Variants in STX1B observed in about 807,000 individuals in gnomAD.
STX1B encodes syntaxin-1B.
Under a neutral mutation model 39.4 loss-of-function variants are expected in STX1B, and 7 were observed. That is an observed-to-expected ratio of 0.18 (90% CI 0.10 to 0.33). The LOEUF (loss-of-function observed/expected upper bound fraction) is 0.33. STX1B is among the 10% of genes least tolerant of loss of function. The probability of loss-of-function intolerance (pLI) is 1.00; values close to 1 mark genes in which losing one functional copy is unlikely to be tolerated. For synonymous variants in STX1B, 136 were observed against 144.1 expected (o/e 0.94, Z 0.40); for missense variants, 198 against 383.2 (o/e 0.52, Z 4.04).
rs1207695958 is a variant in STX1B, at chr16:31,001,902, A to G, written c.31-299T>C. ...ATAGGGATGATTTCAATATTTCAACAACGGCTCAACGTCAGGCTTGCAGTA... is the reference window on the plus strand; with the variant it reads ...ATAGGGATGATTTCAATATTTCAACGACGGCTCAACGTCAGGCTTGCAGTA... On this transcript the variant is annotated intron_variant, in intron 1 of 9. Coordinates refer to ENST00000215095, the MANE Select transcript of STX1B (RefSeq NM_052874.5). This position sits in a 1 kb window ranked among gnomAD's most constrained non-coding sequence, Gnocchi z 5.5. Among the ~76,000 whole-genome samples, 1 of 152,086 alleles carries G rather than the reference A, an allele frequency of 6.6e-6. No homozygotes were observed. The highest frequency in any genetic ancestry group is 2.1e-4 in the South Asian group (1 of 4,820).
intron 1 of STX1B, among the ~76,000 whole-genome samples, chr16:31,002,061 C>A (rs2056632953): frequency 6.6e-6 from 1 of 152,136 alleles, no homozygotes; most frequent in South Asian, 2.1e-4. Context: ...CCAGACATGT[C>A]CCCTGTGCAA....
rs559922106 is a variant in STX1B, at chr16:31,005,405, A to T, written c.31-3802T>A. Among the ~76,000 whole-genome samples, 116 of 149,862 alleles carry T rather than the reference A, an allele frequency of 7.7e-4. 1 individual carries two copies. Among genetic ancestry groups the T allele is most frequent in the African/African-American group, 2.8e-3 (114 of 40,736 alleles). ...TGTGCAAATCGAGGATGTAACATAT[A>T]TGTGCTGATTACCACGAGTTGGGTC... On this transcript the variant is annotated intron_variant, in intron 1 of 9. Coordinates refer to ENST00000215095, the MANE Select transcript of STX1B (RefSeq NM_052874.5).
intron 1 of STX1B, among the ~76,000 whole-genome samples, chr16:31,002,932 A>G (rs1224159982): frequency 6.6e-6 from 1 of 152,198 alleles, no homozygotes. Flanking sequence ...GAACGCAGAC[A>G]GGGCCTAACA....
chr16:30,992,789 A>G lies in STX1B; in HGVS notation c.*32T>C. ...GGTATTGCTCCCGATGTGGTGGGGG[A>G]AGGGTCTGGGAGAGAGAAGGGTGGG... On this transcript the variant is annotated 3_prime_UTR_variant, in exon 10 of 10. Transcript: ENST00000215095. 2.2e-6 allele frequency: 3 copies of G among 1,364,156 alleles called. No homozygotes were observed. Among genetic ancestry groups the G allele is most frequent in the Non-Finnish European group, 3.1e-6 (3 of 982,076 alleles). The allele number at this position is 1,364,156 out of a possible 1,614,324, so 84.5% of individuals were successfully genotyped here.
chr16:30,996,915 A>G, intron 6 of STX1B, 36 bp downstream of exon 6: 4 of 1,569,750 alleles, frequency 2.5e-6, no homozygotes, highest in Non-Finnish European at 3.5e-6. Flanking sequence ...GGCAGCCTCA[A>G]GGAGTTCGGG....
intron 9 of STX1B, 65 bp from the exon 10 acceptor site, chr16:30,992,966 G>A: frequency 7.0e-7 from 1 of 1,427,126 alleles, no homozygotes; most frequent in South Asian, 1.2e-5. Context: ...ACAGATGCAG[G>A]GACAGACAGG....
chr16:30,996,936 G>C lies in STX1B; in HGVS notation c.463+15C>G, dbSNP rs756467906. Reference sequence around the variant, plus strand: ...CTCAAGGAGTTCGGGGTCCTGGGGTGGGGGGCACACGCACTGATCTCCAGT... The same window carrying C: ...CTCAAGGAGTTCGGGGTCCTGGGGTCGGGGGCACACGCACTGATCTCCAGT... On this transcript the variant is annotated intron_variant, in intron 6 of 9. Coordinates refer to ENST00000215095, the MANE Select transcript of STX1B (RefSeq NM_052874.5). 2 of 1,604,830 alleles carry C rather than the reference G, an allele frequency of 1.2e-6. No homozygotes were observed. The highest frequency in any genetic ancestry group is 2.2e-5 in the East Asian group (1 of 44,784).
rs772989451 is a variant in STX1B at position 31,001,574 on chromosome 16, C to A, written c.60G>T (p.Val20=). The change falls in exon 2 of 10, where the codon GTG becomes GTT. Residue 20 remains valine (V), a synonymous_variant. Coordinates refer to ENST00000215095, the MANE Select transcript of STX1B (RefSeq NM_052874.5). The surrounding 1 kb of genome is among the most constrained non-coding windows in gnomAD (Gnocchi z 5.5). ...SAKDSDDEEE[V]VHVDRDHFMD... ...TGAAGTGGTCCCGATCCACGTGGAC[C>A]ACCTCCTCTTCATCATCACTGTCTT... 7 of 1,613,458 alleles carry A rather than the reference C, an allele frequency of 4.3e-6. No individual in the cohort carries two copies. In the Admixed American group the frequency reaches 1.2e-4, roughly 27 times the overall value.
chr16:30,998,835 G>C (rs2056609370), intron 4 of STX1B, among the ~76,000 whole-genome samples: 1 of 152,148 alleles, frequency 6.6e-6, no homozygotes, highest in Non-Finnish European at 1.5e-5. Context: ...GTCAAGGCTT[G>C]ATGGACCTAG....
intron 1 of STX1B, among the ~76,000 whole-genome samples, chr16:31,006,369 A>G (rs1369375544): frequency 6.6e-6 from 1 of 151,558 alleles, no homozygotes; most frequent in Non-Finnish European, 1.5e-5. Flanking sequence ...CCCCTTTCTC[A>G]TCCTCCCTCT....
intron 1 of STX1B, among the ~76,000 whole-genome samples, chr16:31,002,180 C>G (rs775911520): frequency 6.6e-6 from 1 of 151,988 alleles, no homozygotes; most frequent in South Asian, 2.1e-4. Flanking sequence ...CCCCTCTTCC[C>G]GCCCACTCTC....
At chr16:30,995,651 C>T (rs2199036) in intron 7 of STX1B, among the ~76,000 whole-genome samples, 56,375 of 151,700 alleles carry the variant, frequency 0.37, 10,963 homozygotes, top group South Asian at 0.69. Context: ...CCACCATGCC[C>T]GGCTAATTTT....
At chr16:30,993,320 G>A in intron 8 of STX1B, 27 bp downstream of exon 8, 1 of 1,613,732 alleles carries the variant, frequency 6.2e-7, no homozygotes, top group African/African-American at 1.3e-5. Flanking sequence ...GAGGCTCCCA[G>A]AGTGGCATGG....
rs753006506 is a variant in STX1B, at chr16:30,996,763, G to A, written c.464-7C>T. The A allele has an allele frequency of 6.2e-7, 1 of 1,613,968 alleles. No individual in the cohort carries two copies. The highest frequency in any genetic ancestry group is 8.5e-7 in the Non-Finnish European group (1 of 1,179,864). ...TTGGTGGTGGTCCTTCCAGCTGCGG[G>A]AAGAAAGGACTCCCTGCTCGGGGGC... On this transcript the variant is annotated splice_polypyrimidine_tract_variant and splice_region_variant and intron_variant, in intron 6 of 9. Coordinates refer to ENST00000215095, the MANE Select transcript of STX1B (RefSeq NM_052874.5).
At chr16:31,006,038 G>A (rs553477585) in intron 1 of STX1B, among the ~76,000 whole-genome samples, 1 of 152,346 alleles carries the variant, frequency 6.6e-6, no homozygotes, top group African/African-American at 2.4e-5. Context: ...GACAGATGGT[G>A]AGACGGTGAC....
At chr16:31,008,995 G>T (rs1469275890) in intron 1 of STX1B, among the ~76,000 whole-genome samples, 2 of 152,154 alleles carry the variant, frequency 1.3e-5, no homozygotes, top group African/African-American at 2.4e-5. Flanking sequence ...TCATGCCTGA[G>T]TGTATATTCA....
chr16:31,001,252 G>A lies in STX1B; in HGVS notation c.106-59C>T. ...TGTCAGGCCAAACAACGGGTTCCAG[G>A]GGAACCAGCCAGGGTTCAGGGGAAT... On this transcript the variant is annotated intron_variant, in intron 2 of 9. Transcript: ENST00000215095. This position sits in a 1 kb window ranked among gnomAD's most constrained non-coding sequence, Gnocchi z 5.5. 6.5e-7 allele frequency: 1 copy of A among 1,534,078 alleles called. No individual in the cohort carries two copies. Among genetic ancestry groups the A allele is most frequent in the Non-Finnish European group, 9.0e-7 (1 of 1,115,492 alleles).
At chr16:31,002,347 A>G (rs2056634292) in intron 1 of STX1B, among the ~76,000 whole-genome samples, 1 of 152,016 alleles carries the variant, frequency 6.6e-6, no homozygotes, top group African/African-American at 2.4e-5. Context: ...ACACAAAGAG[A>G]TTTACCCACC....
At chr16:30,995,007 A>T (rs2056584803) in intron 7 of STX1B, among the ~76,000 whole-genome samples, 1 of 147,148 alleles carries the variant, frequency 6.8e-6, no homozygotes, top group South Asian at 2.1e-4. Context: ...GACCTCCTGT[A>T]CTCAGGCAAT....
Sources: gnomAD v4.1 joint callset for allele counts (sites outside exome capture counted in the v4.1 genomes callset) on GRCh38, gnomAD v4.1.1 for gene constraint, Gnocchi (gnomAD v3.1) non-coding constraint, MANE v1.5 for transcripts, NCBI Gene and HGNC (gene_info 2026-07-23, HGNC 2026-07-21) for gene names.